Variants in LRP1B observed in about 807,000 individuals in gnomAD.
LRP1B encodes the protein LDL receptor related protein 1B.
A neutral mutation model predicts 556.6 loss-of-function variants in LRP1B; 217 were observed. The ratio of observed to expected loss-of-function variants is 0.39; its 90% confidence interval spans 0.35 to 0.44. The LOEUF is 0.44. Ranked by LOEUF, LRP1B falls within the 20% of genes least tolerant of loss-of-function variation. The pLI is 1.00. For synonymous variants in LRP1B, 2,047 were observed against 1,865.8 expected, an observed-to-expected ratio of 1.10 and a Z score of -2.50; for missense variants, 5,053 against 5,620.8, an observed-to-expected ratio of 0.90 and a Z score of 3.23.
At chr2:141,215,512 G>A (rs995195250) in intron 6 of LRP1B, among the ~76,000 whole-genome samples, 3 of 152,176 alleles carry the variant, frequency 2.0e-5, no homozygotes, top group African/African-American at 7.2e-5. Flanking sequence ...AAGACAAGAA[G>A]ATGAGAGATG....
intron 1 of LRP1B, among the ~76,000 whole-genome samples, chr2:142,115,556 A>ATGTAACATATATAT (rs1559079692): frequency 1.8e-5 from 1 of 56,366 alleles, no homozygotes; most frequent in Non-Finnish European, 3.3e-5. Flanking sequence ...TATATATATT[A>ATGTAACATATATAT]TATATGTAAT....
At chr2:141,384,308 ACT>A in intron 3 of LRP1B, among the ~76,000 whole-genome samples, 1 of 152,186 alleles carries the variant, frequency 6.6e-6, no homozygotes, top group South Asian at 2.1e-4. Flanking sequence ...GAAATAAATA[ACT>A]CTGCTAAAAT....
chr2:140,888,782 G>T (rs1240953758), intron 23 of LRP1B, among the ~76,000 whole-genome samples: 2 of 151,690 alleles, frequency 1.3e-5, no homozygotes, highest in Non-Finnish European at 2.9e-5. Flanking sequence ...TGGCCAACAT[G>T]GTGAAACCCC....
At chr2:140,736,672 C>T (rs986567167) in intron 35 of LRP1B, among the ~76,000 whole-genome samples, 4 of 152,028 alleles carry the variant, frequency 2.6e-5, no homozygotes, top group African/African-American at 4.8e-5. Context: ...ACTGGCTAGC[C>T]ATATGTAGAA....
At chr2:142,050,430 C>T (rs1351802899) in intron 1 of LRP1B, among the ~76,000 whole-genome samples, 1 of 151,920 alleles carries the variant, frequency 6.6e-6, no homozygotes, top group Non-Finnish European at 1.5e-5. Flanking sequence ...TTGACAGGTG[C>T]CATTATACAA....
At chr2:140,600,222 A>T (rs892993932) in intron 42 of LRP1B, among the ~76,000 whole-genome samples, 7 of 152,038 alleles carry the variant, frequency 4.6e-5, no homozygotes, top group Non-Finnish European at 8.8e-5. Context: ...CAACTCTTTT[A>T]TTCCTACTGT....
At chr2:141,867,641 T>C (rs1481267652) in intron 1 of LRP1B, among the ~76,000 whole-genome samples, 1 of 152,166 alleles carries the variant, frequency 6.6e-6, no homozygotes, top group Non-Finnish European at 1.5e-5. Context: ...AGGTTTAGGA[T>C]GCATTGCCTC....
chr2:141,329,364 G>A (rs1247086648), intron 3 of LRP1B, among the ~76,000 whole-genome samples: 2 of 142,622 alleles, frequency 1.4e-5, no homozygotes, highest in Non-Finnish European at 3.0e-5. Context: ...ATCCAGCCTG[G>A]GGGACAAGAG....
At chr2:140,576,017 T>G (rs1681511637) in intron 43 of LRP1B, among the ~76,000 whole-genome samples, 2 of 152,174 alleles carry the variant, frequency 1.3e-5, no homozygotes, top group Non-Finnish European at 1.5e-5. Context: ...ACAACAATGC[T>G]TGATCTTGGT....
chr2:141,231,781 T>C (rs1471314890), intron 5 of LRP1B, among the ~76,000 whole-genome samples: 2 of 152,146 alleles, frequency 1.3e-5, no homozygotes, highest in African/African-American at 2.4e-5. Flanking sequence ...TCTCAAGTCA[T>C]AGGATTCCTG....
intron 3 of LRP1B, among the ~76,000 whole-genome samples, chr2:141,352,497 G>C (rs1688481866): frequency 6.6e-6 from 1 of 151,784 alleles, no homozygotes. Flanking sequence ...TATAACCATA[G>C]AGTAAGCACC....
chr2:140,574,253 CTATT>C (rs1423867084), intron 43 of LRP1B, among the ~76,000 whole-genome samples: 1 of 152,054 alleles, frequency 6.6e-6, no homozygotes, highest in Admixed American at 6.6e-5. Context: ...GCATTTAAAA[CTATT>C]TATTAAAAAT....
intron 3 of LRP1B, among the ~76,000 whole-genome samples, chr2:141,354,182 G>A (rs1001712540): frequency 2.6e-4 from 39 of 151,950 alleles, no homozygotes; most frequent in Admixed American, 1.3e-4. Flanking sequence ...CCTATATAAC[G>A]AATGTGCACA....
At chr2:141,639,298 A>ATG (rs199723979) in intron 2 of LRP1B, among the ~76,000 whole-genome samples, 409 of 34,428 alleles carry the variant, frequency 0.012, 3 homozygotes, top group Non-Finnish European at 0.015. Context: ...AGTACGCATC[A>ATG]TGTGTGTATA....
chr2:140,912,208 C>T (rs1694440405), intron 21 of LRP1B, among the ~76,000 whole-genome samples: 1 of 151,634 alleles, frequency 6.6e-6, no homozygotes, highest in African/African-American at 2.4e-5. Context: ...AACTCATGCA[C>T]ATGAATTAGG....
In LRP1B at chr2:141,115,452, G is replaced by GTTT. The variant is rs1364204085; in HGVS notation, c.1014-53182_1014-53180dup. ...GACTTTGCAAAATGAATAGGTTTTT[G>GTTT]TTTTTGTTTTTTTTTTTTTTTTGAG... On this transcript the variant is annotated intron_variant, in intron 7 of 90. Transcript: ENST00000389484. Among the ~76,000 whole-genome samples the GTTT allele has an allele frequency of 7.0e-3, 635 of 90,432 alleles. 5 individuals are homozygous for GTTT. The highest frequency in any genetic ancestry group is 9.5e-3 in the Non-Finnish European group (389 of 40,894). The allele number at this position is 90,432 out of a possible 152,430, so 59.3% of individuals were successfully genotyped here.
At chr2:141,241,972 A>G (rs757508018) in intron 5 of LRP1B, among the ~76,000 whole-genome samples, 1 of 152,016 alleles carries the variant, frequency 6.6e-6, no homozygotes, top group Non-Finnish European at 1.5e-5. Flanking sequence ...GTGAATCTTC[A>G]TACATCAGTC....
Position 140,776,175 on chromosome 2 carries a change from C to A in LRP1B, c.5423G>T (p.Gly1808Val). ...ATTCCGTAGGATGGTGGGGTTTCTT[C>A]CGTCTCTTTTGCTGCAGGTTCCTAG... ...AQLGTCSKRD[G>V]RNPTILRNKT... The change falls in exon 33 of 91, where the codon GGA (glycine) becomes GTA (valine). Residue 1808 changes from glycine (G) to valine (V), a missense_variant. Gly to Val is a moderately radical substitution (Grantham distance 109). This residue lies in a region of LRP1B where 3,619 missense variants were observed against 3,931.9 expected (regional missense o/e 0.92). Transcript: ENST00000389484. 6.2e-7 allele frequency: 1 copy of A among 1,601,644 alleles called. No homozygotes were observed. Among genetic ancestry groups the A allele is most frequent in the Non-Finnish European group, 8.5e-7 (1 of 1,174,740 alleles).
chr2:140,712,407 T>C (rs1324481069), intron 37 of LRP1B, among the ~76,000 whole-genome samples: 1 of 152,096 alleles, frequency 6.6e-6, no homozygotes, highest in East Asian at 1.9e-4. Context: ...GGATACCTAA[T>C]GTAAGATACA....
Sources: gnomAD v4.1 joint callset for allele counts (sites outside exome capture counted in the v4.1 genomes callset) on GRCh38, gnomAD v4.1.1 for gene constraint, gnomAD v4.1.1 regional missense constraint, MANE v1.5 for transcripts, NCBI Gene and HGNC (gene_info 2026-07-23, HGNC 2026-07-21) for gene names.